Variants in RAB3C observed in about 807,000 individuals in gnomAD.
RAB3C encodes ras-related protein Rab-3C.
RAB3C carries 17 observed loss-of-function variants against 26.4 expected under a neutral mutation model. The observed-to-expected ratio is 0.64, with a 90% CI of 0.44 to 0.97. The LOEUF is 0.97. RAB3C is among the 50% of genes least tolerant of loss of function. The pLI, the probability that RAB3C is intolerant of heterozygous loss-of-function variation, is 0.00. For synonymous variants in RAB3C, 91 were observed against 95.9 expected (o/e 0.95, Z 0.30); for missense variants, 242 against 281.9 (o/e 0.86, Z 1.01).
intron 2 of RAB3C, among the ~76,000 whole-genome samples, chr5:58,722,734 A>G (rs576796911): frequency 6.6e-6 from 1 of 151,874 alleles, no homozygotes; most frequent in Non-Finnish European, 1.5e-5. Flanking sequence ...ATTAAATCCA[A>G]TGAATATACA....
In RAB3C at chr5:58,693,324, A is replaced by T. The variant is rs964891493; in HGVS notation, c.253-32678A>T. ...ATTATATAAATAAAATTAAGAAATT[A>T]TATATATATGTGTATATATATATAT... is the stretch of plus-strand genomic sequence containing the variant. On this transcript the variant is annotated intron_variant, in intron 2 of 4. Coordinates refer to ENST00000282878, the MANE Select transcript of RAB3C (RefSeq NM_138453.4). 3.3e-3 allele frequency among the ~76,000 whole-genome samples: 270 copies of T among 80,646 alleles called. 1 individual carries two copies. Among genetic ancestry groups the T allele is most frequent in the African/African-American group, 9.9e-3 (201 of 20,202 alleles). 52.9% of individuals were successfully genotyped at this position (80,646 alleles called of 152,430 possible).
At chr5:58,676,335 T>G (rs1488032173) in intron 2 of RAB3C, among the ~76,000 whole-genome samples, 1 of 151,976 alleles carries the variant, frequency 6.6e-6, no homozygotes, top group Non-Finnish European at 1.5e-5. Flanking sequence ...AAACCCTGTC[T>G]CTACTAAAAA....
intron 2 of RAB3C, among the ~76,000 whole-genome samples, chr5:58,725,053 CT>C (rs999206667): frequency 3.3e-5 from 5 of 151,846 alleles, no homozygotes; most frequent in African/African-American, 1.2e-4. Context: ...TAAGTGTCTT[CT>C]TTTTGCATAT....
rs1052705376 is a variant in RAB3C, at chr5:58,660,337, C to A, written c.252+42467C>A. 2.7e-5 allele frequency among the ~76,000 whole-genome samples: 4 copies of A among 149,934 alleles called. 1 individual carries two copies. The highest frequency in any genetic ancestry group is 5.1e-5 in the African/African-American group (2 of 39,352). On this transcript the variant is annotated intron_variant, in intron 2 of 4. Coordinates refer to ENST00000282878, the MANE Select transcript of RAB3C (RefSeq NM_138453.4). ...AAGATGAAATAGTCCCTGAGACTGA[C>A]AGTTACTATGTGGTATAAACTTCCA...
intron 2 of RAB3C, among the ~76,000 whole-genome samples, chr5:58,688,759 G>A: frequency 6.6e-6 from 1 of 152,114 alleles, no homozygotes. Context: ...ACTCCATAAA[G>A]ATATTGCGTA....
intron 1 of RAB3C, among the ~76,000 whole-genome samples, chr5:58,611,912 G>T (rs56383205): frequency 1.3e-5 from 2 of 152,100 alleles, no homozygotes; most frequent in Middle Eastern, 3.4e-3. Flanking sequence ...TTTGTATATC[G>T]TGTAAGGAAG....
chr5:58,676,370 G>A (rs140615601), intron 2 of RAB3C, among the ~76,000 whole-genome samples: 38 of 152,156 alleles, frequency 2.5e-4, no homozygotes, highest in African/African-American at 9.2e-4. Context: ...AGGTGTGGTG[G>A]CAGGCGCTTG....
At chr5:58,825,915 A>G (rs979939399) in intron 4 of RAB3C, among the ~76,000 whole-genome samples, 3 of 152,194 alleles carry the variant, frequency 2.0e-5, no homozygotes, top group Non-Finnish European at 4.4e-5. Flanking sequence ...ATCATGGGGT[A>G]TACAAAAAAG....
At chr5:58,813,733 A>C (rs568954168) in intron 3 of RAB3C, among the ~76,000 whole-genome samples, 57 of 152,078 alleles carry the variant, frequency 3.7e-4, no homozygotes, top group African/African-American at 1.3e-3. Flanking sequence ...GGACTTAAAG[A>C]AGGGACCAGT....
rs114078714 is a variant in RAB3C, at chr5:58,776,653, G to A, written c.372-48385G>A. 6.9e-3 allele frequency among the ~76,000 whole-genome samples: 1,055 copies of A among 151,982 alleles called. 7 individuals carry two copies. Among genetic ancestry groups the A allele is most frequent in the South Asian group, 0.024 (113 of 4,800 alleles). On this transcript the variant is annotated intron_variant, in intron 3 of 4. Coordinates refer to ENST00000282878, the MANE Select transcript of RAB3C (RefSeq NM_138453.4). ...GCGATATTGCTCACAGTAGTAACCC[G>A]CGCTGCTTAAACAGATAAACCACAA...
chr5:58,646,083 G>A (rs7708532), intron 2 of RAB3C, among the ~76,000 whole-genome samples: 4,822 of 152,232 alleles, frequency 0.032, 244 homozygotes, highest in African/African-American at 0.11. Flanking sequence ...GAGCGAAGTC[G>A]AATGATTTTC....
intron 3 of RAB3C, among the ~76,000 whole-genome samples, chr5:58,763,118 C>T (rs559881991): frequency 7.2e-5 from 11 of 152,144 alleles, no homozygotes; most frequent in Non-Finnish European, 1.0e-4. Flanking sequence ...TACCAGTTAC[C>T]TACAACTTAC....
At chr5:58,621,872 G>A (rs1037715545) in intron 2 of RAB3C, among the ~76,000 whole-genome samples, 9 of 152,144 alleles carry the variant, frequency 5.9e-5, no homozygotes, top group African/African-American at 2.2e-4. Context: ...CACCACGCCT[G>A]GCCTCAAGTG....
chr5:58,686,687 CACACAT>C (rs1398348064), intron 2 of RAB3C, among the ~76,000 whole-genome samples: 35 of 148,034 alleles, frequency 2.4e-4, no homozygotes, highest in Non-Finnish European at 3.5e-4. Context: ...CATACACACA[CACACAT>C]ACACACACAC....
intron 1 of RAB3C, among the ~76,000 whole-genome samples, chr5:58,592,872 T>A (rs1046479816): frequency 6.6e-6 from 1 of 152,152 alleles, no homozygotes; most frequent in Admixed American, 6.5e-5. Flanking sequence ...TTGACTATAA[T>A]GTGCCTAGAT....
rs995111791 is a variant in RAB3C, at chr5:58,658,288, T to G, written c.252+40418T>G. ...CTAAAGAAGTGGGAAATTTGGGATT[T>G]AAACCCAGTCCTGCTTCCGTATTCA... On this transcript the variant is annotated intron_variant, in intron 2 of 4. Transcript: ENST00000282878. Among the ~76,000 whole-genome samples, 36 of 152,322 alleles carry G rather than the reference T, an allele frequency of 2.4e-4. 1 individual carries two copies. Among genetic ancestry groups the G allele is most frequent in the African/African-American group, 8.2e-4 (34 of 41,576 alleles).
rs188610111 is a variant in RAB3C at position 58,653,613 on chromosome 5, G to A, written c.252+35743G>A. ...CACATATACACCATGGAATACTATG[G>A]AGTCCTAAAAAAGAATGAGTTCGTG... On this transcript the variant is annotated intron_variant, in intron 2 of 4. Transcript: ENST00000282878. 5.5e-3 allele frequency among the ~76,000 whole-genome samples: 834 copies of A among 152,232 alleles called. 6 individuals carry two copies. The highest frequency in any genetic ancestry group is 6.6e-3 in the Non-Finnish European group (451 of 67,994).
At chr5:58,634,499 G>A (rs2545791) in intron 2 of RAB3C, among the ~76,000 whole-genome samples, 113,138 of 152,052 alleles carry the variant, frequency 0.74, 42,377 homozygotes, top group East Asian at 0.84. Context: ...ATGGTTATGA[G>A]GAATAATCAG....
At chr5:58,652,338 A>G (rs950896197) in intron 2 of RAB3C, among the ~76,000 whole-genome samples, 8 of 151,848 alleles carry the variant, frequency 5.3e-5, no homozygotes, top group Non-Finnish European at 8.8e-5. Context: ...TACTTAGAGA[A>G]TATTAATGAT....
Sources: gnomAD v4.1 joint callset for allele counts (sites outside exome capture counted in the v4.1 genomes callset) on GRCh38, gnomAD v4.1.1 for gene constraint, MANE v1.5 for transcripts, NCBI Gene and HGNC (gene_info 2026-07-23, HGNC 2026-07-21) for gene names.